ANGPT4: variants seen among roughly 807,000 people sequenced by gnomAD.
ANGPT4 encodes the protein angiopoietin 4, also known as angiopoietin-4.
Under a neutral mutation model 53.0 loss-of-function variants are expected in ANGPT4, and 50 were observed. That is an observed-to-expected ratio of 0.94 (90% CI 0.75 to 1.20). The LOEUF is 1.20. ANGPT4 is among the 50% of genes most tolerant of loss of function. The pLI, the probability that ANGPT4 is intolerant of heterozygous loss-of-function variation, is 0.00. For missense variants in ANGPT4, 648 were observed against 637.1 expected, an observed-to-expected ratio of 1.02 and a Z score of -0.18; for synonymous variants, 251 against 259.7, an observed-to-expected ratio of 0.97 and a Z score of 0.32.
At chr20:875,754 G>A (rs1439896423) in intron 7 of ANGPT4, among the ~76,000 whole-genome samples, 1 of 152,168 alleles carries the variant, frequency 6.6e-6, no homozygotes. Context: ...TGGTTGGAGA[G>A]AATGCGGGGT....
In ANGPT4 at chr20:872,680, T is replaced by C; in HGVS notation, c.*280A>G. On this transcript the variant is annotated 3_prime_UTR_variant, in exon 9 of 9. Transcript: ENST00000381922. ...TGGTCTGTTCTCAGCCCATTCAAGG[T>C]ACTGTGACCCTCAGGCAGGGAGCCC... The C allele has an allele frequency of 2.3e-6, 1 of 439,200 alleles. No individual in the cohort carries two copies. The highest frequency in any genetic ancestry group is 4.3e-5 in the East Asian group (1 of 23,132). The allele number at this position is 439,200 out of a possible 1,614,324, so 27.2% of individuals were successfully genotyped here.
intron 1 of ANGPT4, among the ~76,000 whole-genome samples, chr20:897,065 G>T (rs897994032): frequency 2.0e-5 from 3 of 151,958 alleles, no homozygotes; most frequent in East Asian, 3.9e-4. Context: ...GCCCCTGCCC[G>T]CCAGAGAACA....
chr20:884,779 TGTC>T (rs2122782332), intron 4 of ANGPT4, among the ~76,000 whole-genome samples: 1 of 152,160 alleles, frequency 6.6e-6, no homozygotes, highest in Admixed American at 6.5e-5. Flanking sequence ...AGACCAAACT[TGTC>T]AGTCTGGATT....
At chr20:880,527 G>T (rs1981360524) in intron 5 of ANGPT4, among the ~76,000 whole-genome samples, 1 of 152,046 alleles carries the variant, frequency 6.6e-6, no homozygotes. Context: ...GGTCAAGGCT[G>T]CAGTGAGCTG....
chr20:906,276 G>T (rs1344907304), intron 1 of ANGPT4, among the ~76,000 whole-genome samples: 1 of 152,128 alleles, frequency 6.6e-6, no homozygotes, highest in Admixed American at 6.5e-5. Flanking sequence ...AAGCCATCTG[G>T]AGGGGAACTG....
chr20:882,438 G>C (rs111656893), intron 4 of ANGPT4, among the ~76,000 whole-genome samples: 328 of 152,298 alleles, frequency 2.2e-3, no homozygotes, highest in African/African-American at 7.5e-3. Flanking sequence ...GGGACTTCCT[G>C]GTTTGGCTTT....
chr20:901,982 G>C lies in ANGPT4; in HGVS notation c.310-11614C>G, dbSNP rs192959118. 9.1e-4 allele frequency among the ~76,000 whole-genome samples: 139 copies of C among 152,288 alleles called. 1 individual carries two copies. The highest frequency in any genetic ancestry group is 1.5e-3 in the Admixed American group (23 of 15,300). ...GATGCTGATCTGAAAAGATGTCCCT[G>C]TCATGCTTATGAGTAAAAAAAGAAA... On this transcript the variant is annotated intron_variant, in intron 1 of 8. Coordinates refer to ENST00000381922, the MANE Select transcript of ANGPT4 (RefSeq NM_015985.4).
chr20:892,108 A>G (rs2039161), intron 1 of ANGPT4, among the ~76,000 whole-genome samples: 71,067 of 149,492 alleles, frequency 0.48, 19,117 homozygotes, highest in African/African-American at 0.73. Context: ...CAGCACACAA[A>G]CATGCGCTAA....
At position 885,284 on chromosome 20, in the gene ANGPT4, T is replaced by A; in HGVS notation, c.629A>T (p.Gln210Leu). ...KRLQALETKQQEELASILSKK... is the reference protein window; with the variant it reads ...KRLQALETKQLEELASILSKK... ...GCTGAGGATGCTGGCCAGCTCCTCC[T>A]GCTGCTTGGTCTCCAGGGCCTGCAA... The change falls in exon 4 of 9, where the codon CAG becomes CTG. Residue 210 changes from glutamine to leucine, a missense_variant. Transcript: ENST00000381922. 2 of 1,583,990 alleles carry A rather than the reference T, an allele frequency of 1.3e-6. No homozygotes were observed. The highest frequency in any genetic ancestry group is 2.3e-5 in the South Asian group (2 of 87,582).
chr20:909,501 G>A (rs1048019398), intron 1 of ANGPT4, among the ~76,000 whole-genome samples: 3 of 152,210 alleles, frequency 2.0e-5, no homozygotes, highest in Non-Finnish European at 2.9e-5. Context: ...GGAAACTATA[G>A]TAAGATATGG....
intron 1 of ANGPT4, among the ~76,000 whole-genome samples, chr20:893,154 T>A (rs1029015809): frequency 3.3e-5 from 5 of 152,122 alleles, no homozygotes; most frequent in African/African-American, 1.2e-4. Flanking sequence ...AAAGATCACA[T>A]TTTTTGTCCA....
chr20:892,731 G>A (rs553860328), intron 1 of ANGPT4, among the ~76,000 whole-genome samples: 24 of 152,282 alleles, frequency 1.6e-4, no homozygotes, highest in African/African-American at 5.5e-4. Flanking sequence ...GGAGTGCAGT[G>A]ATGTGATCAC....
Position 888,217 on chromosome 20 carries a change from C to T in ANGPT4, c.587+101G>A, listed in dbSNP as rs930109547. 23 of 1,466,776 alleles carry T rather than the reference C, an allele frequency of 1.6e-5. No individual in the cohort carries two copies. In the Admixed American group the frequency reaches 3.2e-4, roughly 21 times the overall value. The allele number at this position is 1,466,776 out of a possible 1,614,324, so 90.9% of individuals were successfully genotyped here. On this transcript the variant is annotated intron_variant, in intron 3 of 8. Coordinates refer to ENST00000381922, the MANE Select transcript of ANGPT4 (RefSeq NM_015985.4). ...CCACGTCCAGCTTCCGGTCCTGGCTCCAGCCCCAGTCCTAGCCCTGGCTCT... is the reference window on the plus strand; with the variant it reads ...CCACGTCCAGCTTCCGGTCCTGGCTTCAGCCCCAGTCCTAGCCCTGGCTCT...
chr20:874,501 T>G, intron 7 of ANGPT4, 87 bp from the exon 8 acceptor site: 1 of 1,556,264 alleles, frequency 6.4e-7, no homozygotes, highest in Non-Finnish European at 8.7e-7. Context: ...AGTGGCTTTG[T>G]CCCAGGCTGG....
Position 872,791 on chromosome 20 carries a change from T to TG in ANGPT4, c.*168_*169insC, listed in dbSNP as rs541864923. On this transcript the variant is annotated 3_prime_UTR_variant, in exon 9 of 9. Transcript: ENST00000381922. The stretch of plus-strand genomic sequence containing the variant: ...CCTCCATGTCACAGACGGAGGGGAG[T>TG]TGGGGGGCAGATGACCCTTCTGGAC... 1,043 of 590,282 alleles carry TG rather than the reference T, an allele frequency of 1.8e-3. 3 individuals are homozygous for TG. The highest frequency in any genetic ancestry group is 3.5e-3 in the Admixed American group (111 of 31,978). The allele number at this position is 590,282 out of a possible 1,614,324, so 36.6% of individuals were successfully genotyped here.
chr20:879,664 G>T, intron 6 of ANGPT4, 83 bp downstream of exon 6: 1 of 1,184,928 alleles, frequency 8.4e-7, no homozygotes, highest in Non-Finnish European at 1.2e-6. Flanking sequence ...GAGGAATGAG[G>T]GCAAAGCAGT....
chr20:892,137 T>G (rs1981872214), intron 1 of ANGPT4, among the ~76,000 whole-genome samples: 1 of 143,118 alleles, frequency 7.0e-6, no homozygotes, highest in African/African-American at 2.6e-5. Flanking sequence ...ATCTAAAAAC[T>G]AACTCCACAG....
In ANGPT4 at chr20:885,232, C is replaced by T. The variant is rs776383392; in HGVS notation, c.681G>A (p.Leu227=). The change falls in exon 4 of 9, where the codon CTG becomes CTA. Residue 227 remains leucine (L), a synonymous_variant. Coordinates refer to ENST00000381922, the MANE Select transcript of ANGPT4 (RefSeq NM_015985.4). ...LSKKAKLLNT[L]SRQSAALTNI... Reference sequence around the variant, plus strand: ...TGGTGAGGGCGGCGCTCTGGCGGCTCAGCGTGTTCAGCAGCTTCGCCTTCT... The same window carrying T: ...TGGTGAGGGCGGCGCTCTGGCGGCTTAGCGTGTTCAGCAGCTTCGCCTTCT... The T allele has an allele frequency of 1.1e-5, 17 of 1,585,258 alleles. No individual in the cohort carries two copies. Among genetic ancestry groups the T allele is most frequent in the Admixed American group, 1.1e-4 (6 of 56,318 alleles).
intron 1 of ANGPT4, among the ~76,000 whole-genome samples, chr20:912,946 C>G (rs183955613): frequency 3.0e-4 from 46 of 152,274 alleles, no homozygotes; most frequent in Admixed American, 2.7e-3. Context: ...CTACATGGCT[C>G]TGGCAAGTCA....
Sources: allele counts gnomAD v4.1 joint callset (sites outside exome capture counted in the v4.1 genomes callset), GRCh38; gene constraint gnomAD v4.1.1; transcripts MANE v1.5; gene names NCBI Gene and HGNC (gene_info 2026-07-23, HGNC 2026-07-21).